The following IL1R1 variants were observed in gnomAD, a reference collection of about 807,000 sequenced individuals.
The protein encoded by IL1R1 is interleukin-1 receptor type 1.
A neutral mutation model predicts 50.2 loss-of-function variants in IL1R1; 22 were observed. The ratio of observed to expected loss-of-function variants is 0.44; its 90% confidence interval spans 0.31 to 0.63. The LOEUF (loss-of-function observed/expected upper bound fraction) is 0.63. IL1R1 is among the 20% of genes least tolerant of loss of function. The pLI is 0.07. For synonymous variants in IL1R1, 251 were observed against 236.7 expected (o/e 1.06, Z -0.55); for missense variants, 509 against 676.2 (o/e 0.75, Z 2.74).
chr2:102,176,523 A>G lies in IL1R1; in HGVS notation c.1474A>G (p.Lys492Glu). ...GIKVVLLELE[K>E]IQDYEKMPES... ...TAAAGTTGTCCTGCTTGAGCTGGAG[A>G]AAATCCAAGACTATGAGAAAATGCC... The change falls in exon 12 of 12, where the codon AAA becomes GAA. Residue 492 changes from lysine (K) to glutamate (E), a missense_variant. By Grantham distance (56) the Lys-to-Glu change is moderately conservative. Coordinates refer to ENST00000410023, the MANE Select transcript of IL1R1 (RefSeq NM_000877.4). 1 of 1,614,192 alleles carries G rather than the reference A, an allele frequency of 6.2e-7. No individual in the cohort carries two copies. The highest frequency in any genetic ancestry group is 8.5e-7 in the Non-Finnish European group (1 of 1,180,030).
intron 1 of IL1R1, among the ~76,000 whole-genome samples, chr2:102,076,174 C>T (rs540967151): frequency 1.8e-5 from 2 of 108,254 alleles, no homozygotes; most frequent in African/African-American, 7.2e-5. Flanking sequence ...TCTATTGCTT[C>T]GTATTCTTTT....
upstream of IL1R1, among the ~76,000 whole-genome samples, chr2:102,104,368 T>C (rs2104344781): frequency 6.6e-6 from 1 of 152,272 alleles, no homozygotes. Context: ...AACATGATAA[T>C]GAGCTGGATT....
At chr2:102,151,662 C>A (rs1683663626) in intron 1 of IL1R1, among the ~76,000 whole-genome samples, 1 of 152,232 alleles carries the variant, frequency 6.6e-6, no homozygotes, top group African/African-American at 2.4e-5. Flanking sequence ...TTCAAGGCAC[C>A]TCGGTGCATT....
chr2:102,127,920 C>T (rs377321249), intron 1 of IL1R1, among the ~76,000 whole-genome samples: 44 of 152,116 alleles, frequency 2.9e-4, no homozygotes, highest in Admixed American at 1.3e-4. Flanking sequence ...TCTGAGTTTA[C>T]GTAAAGAATC....
chr2:102,171,829 C>T lies in IL1R1; in HGVS notation c.750C>T (p.Val250=), dbSNP rs1192252857. ...LGSQIQLICN[V]TGQLSDIAYW... ...CCCAGATACAATTGATCTGTAATGT[C>T]ACCGGCCAGTTGAGTGACATTGCTT... The change falls in exon 8 of 12, where the codon GTC becomes GTT. Residue 250 remains valine, a synonymous_variant. Transcript: ENST00000410023. 2.5e-6 allele frequency: 4 copies of T among 1,605,528 alleles called. No individual in the cohort carries two copies. Among genetic ancestry groups the T allele is most frequent in the South Asian group, 2.2e-5 (2 of 90,364 alleles).
intron 1 of IL1R1, among the ~76,000 whole-genome samples, chr2:102,079,596 C>A (rs13383186): frequency 6.6e-6 from 1 of 152,020 alleles, no homozygotes; most frequent in African/African-American, 2.4e-5. Flanking sequence ...ATTTTAAAAT[C>A]GCTCAATTAA....
intron 1 of IL1R1, among the ~76,000 whole-genome samples, chr2:102,080,151 A>G (rs1218241862): frequency 6.6e-6 from 1 of 152,192 alleles, no homozygotes; most frequent in East Asian, 1.9e-4. Flanking sequence ...AAATATAAAT[A>G]TAAATCTTTG....
intron 1 of IL1R1, among the ~76,000 whole-genome samples, chr2:102,112,115 G>A (rs562930602): frequency 1.9e-4 from 29 of 151,952 alleles, no homozygotes; most frequent in African/African-American, 7.0e-4. Flanking sequence ...AGTCTGTAGT[G>A]TTTTCAGGGC....
intron 1 of IL1R1, among the ~76,000 whole-genome samples, chr2:102,146,052 G>A (rs567724580): frequency 3.3e-5 from 5 of 152,290 alleles, no homozygotes; most frequent in Admixed American, 1.3e-4. Flanking sequence ...GGTGAGAATA[G>A]TGAGTTTTCG....
Position 102,177,846 on chromosome 2 carries a change from C to A in IL1R1, c.*1087C>A, listed in dbSNP as rs1189035680. The stretch of plus-strand genomic sequence containing the variant: ...CGTCTGCAATGTCCCTTGCACAGCC[C>A]ACACATGAACCATCCTTCCCATGAT... On this transcript the variant is annotated 3_prime_UTR_variant, in exon 12 of 12. Transcript: ENST00000410023. The A allele has an allele frequency of 1.3e-5, 2 of 152,568 alleles. No homozygotes were observed. Among genetic ancestry groups the A allele is most frequent in the Non-Finnish European group, 2.9e-5 (2 of 68,246 alleles). 9.5% of individuals were successfully genotyped at this position (152,568 alleles called of 1,614,324 possible). A position where few individuals can be genotyped will look rare whatever the true frequency, so the allele number is the denominator to read the frequency against.
Position 102,168,663 on chromosome 2 carries a change from G to T in IL1R1, c.721G>T (p.Gly241Ter). The T allele has an allele frequency of 6.2e-7, 1 of 1,612,186 alleles. No homozygotes were observed. Among genetic ancestry groups the T allele is most frequent in the South Asian group, 1.1e-5 (1 of 91,024 alleles). Residue 241 changes from glycine (G) to a stop codon, truncating the protein, a stop_gained and splice_region_variant, in exon 7 of 12, where the codon GGA becomes TGA. Coordinates refer to ENST00000410023, the MANE Select transcript of IL1R1 (RefSeq NM_000877.4). LOFTEE classifies it high-confidence loss of function. Reference sequence around the variant, plus strand: ...TAATGAGACAATGGAAGTAGACTTGGGTAAGTGGGCTTCAGTGAGGGTATG... The same window carrying T: ...TAATGAGACAATGGAAGTAGACTTGTGTAAGTGGGCTTCAGTGAGGGTATG... ...PANETMEVDL[G>*]SQIQLICNVT... is the part of the protein sequence containing the mutation.
intron 1 of IL1R1, among the ~76,000 whole-genome samples, chr2:102,148,557 T>C (rs4851000): frequency 0.36 from 54,491 of 152,104 alleles, 11,692 homozygotes; most frequent in Admixed American, 0.45. Flanking sequence ...AGATTTTTCT[T>C]TCTGCTTCAT....
intron 1 of IL1R1, among the ~76,000 whole-genome samples, chr2:102,093,071 A>G (rs1679749026): frequency 6.6e-6 from 1 of 152,210 alleles, no homozygotes; most frequent in South Asian, 2.1e-4. Context: ...ACTTTTGTTC[A>G]TTAAGAATTG....
At chr2:102,103,627 T>A (rs1680248335), upstream of IL1R1, among the ~76,000 whole-genome samples, 1 of 152,036 alleles carries the variant, frequency 6.6e-6, no homozygotes, top group South Asian at 2.1e-4. Context: ...TGAGTAGCGT[T>A]GTGATAGGCT....
rs1401939230 is a variant in IL1R1, at chr2:102,164,802, A to G, written c.90A>G (p.Ile30Met). The change falls in exon 4 of 12, where the codon ATA (isoleucine) becomes ATG (methionine). Residue 30 changes from isoleucine to methionine, a missense_variant. Transcript: ENST00000410023. ...AATGCAAGGAACGTGAAGAAAAAAT[A>G]ATTTTAGTGTCATCTGCAAATGAAA... is the stretch of plus-strand genomic sequence containing the variant. The part of the protein sequence containing the change: ...ADKCKEREEK[I>M]ILVSSANEID... 1 of 1,613,640 alleles carries G rather than the reference A, an allele frequency of 6.2e-7. No individual in the cohort carries two copies. Among genetic ancestry groups the G allele is most frequent in the Non-Finnish European group, 8.5e-7 (1 of 1,179,812 alleles).
At chr2:102,156,767 G>A (rs1035661179) in intron 2 of IL1R1, among the ~76,000 whole-genome samples, 1 of 152,058 alleles carries the variant, frequency 6.6e-6, no homozygotes, top group Admixed American at 6.5e-5. Flanking sequence ...CCTGCCTTGG[G>A]CTCCCAAAGT....
chr2:102,176,723 G>T lies in IL1R1; in HGVS notation c.1674G>T (p.Glu558Asp). ...AGTTACTGTCACCAGCCACTAAGGAGAAACTGCAAAGAGAGGCTCACGTGC... is the reference window on the plus strand; with the variant it reads ...AGTTACTGTCACCAGCCACTAAGGATAAACTGCAAAGAGAGGCTCACGTGC... ...KHQLLSPATK[E>D]KLQREAHVPL... Residue 558 changes from glutamate to aspartate, a missense_variant, in exon 12 of 12, where the codon GAG becomes GAT. Transcript: ENST00000410023. 6.2e-7 allele frequency: 1 copy of T among 1,614,188 alleles called. No homozygotes were observed. Among genetic ancestry groups the T allele is most frequent in the South Asian group, 1.1e-5 (1 of 91,082 alleles).
At chr2:102,148,348 G>T (rs1683339030) in intron 1 of IL1R1, among the ~76,000 whole-genome samples, 1 of 152,194 alleles carries the variant, frequency 6.6e-6, no homozygotes, top group African/African-American at 2.4e-5. Flanking sequence ...GTATGAGTGT[G>T]TGGGGCTCTG....
At chr2:102,119,453 A>G (rs912035103) in intron 1 of IL1R1, among the ~76,000 whole-genome samples, 2 of 152,374 alleles carry the variant, frequency 1.3e-5, no homozygotes, top group African/African-American at 4.8e-5. Flanking sequence ...TGAGATGCCA[A>G]TGATGCAATT....
Sources: gnomAD v4.1 joint callset for allele counts (sites outside exome capture counted in the v4.1 genomes callset) on GRCh38, gnomAD v4.1.1 for gene constraint, MANE v1.5 for transcripts, NCBI Gene and HGNC (gene_info 2026-07-23, HGNC 2026-07-21) for gene names.